LRRTM4: variants seen among roughly 807,000 people sequenced by gnomAD.
LRRTM4 encodes the protein leucine rich repeat transmembrane neuronal 4.
LRRTM4 carries 25 observed loss-of-function variants against 47.6 expected under a neutral mutation model. The ratio of observed to expected loss-of-function variants is 0.53; its 90% confidence interval spans 0.38 to 0.73. The LOEUF is 0.73. Ranked by LOEUF, LRRTM4 falls within the 30% of genes least tolerant of loss-of-function variation. LRRTM4 has a pLI of 0.00. For missense variants in LRRTM4, 638 were observed against 713.4 expected, an observed-to-expected ratio of 0.89 and a Z score of 1.20; for synonymous variants, 311 against 269.5, an observed-to-expected ratio of 1.15 and a Z score of -1.51.
intron 3 of LRRTM4, among the ~76,000 whole-genome samples, chr2:76,998,783 T>C (rs13009312): frequency 6.6e-6 from 1 of 151,562 alleles, no homozygotes; most frequent in Non-Finnish European, 1.5e-5. Flanking sequence ...TTTTTTTTTT[T>C]CCTTAACATC....
At chr2:76,968,376 A>ATATATATATG (rs1463823267) in intron 3 of LRRTM4, among the ~76,000 whole-genome samples, 1 of 138,736 alleles carries the variant, frequency 7.2e-6, no homozygotes, top group South Asian at 2.3e-4. Context: ...ATATATATAT[A>ATATATATATG]TATATATACA....
At chr2:77,355,276 A>G (rs1201532548) in intron 3 of LRRTM4, among the ~76,000 whole-genome samples, 2 of 152,188 alleles carry the variant, frequency 1.3e-5, no homozygotes, top group Non-Finnish European at 2.9e-5. Flanking sequence ...TGTGTTTTTG[A>G]AATTAAGTAC....
chr2:77,112,365 G>A (rs555002275), intron 3 of LRRTM4, among the ~76,000 whole-genome samples: 1 of 152,208 alleles, frequency 6.6e-6, no homozygotes, highest in South Asian at 2.1e-4. Flanking sequence ...GATTATAAGT[G>A]GAGTATAAGG....
intron 3 of LRRTM4, among the ~76,000 whole-genome samples, chr2:77,329,162 AG>A (rs1670882789): frequency 6.6e-6 from 1 of 152,318 alleles, no homozygotes; most frequent in African/African-American, 2.4e-5. Context: ...GTGGTGTTTC[AG>A]TTACTAGTTA....
chr2:76,852,812 A>C (rs1672036678), intron 3 of LRRTM4, among the ~76,000 whole-genome samples: 1 of 152,174 alleles, frequency 6.6e-6, no homozygotes, highest in African/African-American at 2.4e-5. Flanking sequence ...ACTTGACTTA[A>C]ATATTATTAT....
At chr2:76,809,359 G>A (rs889105227) in intron 3 of LRRTM4, among the ~76,000 whole-genome samples, 10 of 151,986 alleles carry the variant, frequency 6.6e-5, no homozygotes, top group East Asian at 1.9e-4. Flanking sequence ...ACTCCCACTC[G>A]CCCCCTCCCC....
chr2:76,904,148 G>C (rs1288096388), intron 3 of LRRTM4, among the ~76,000 whole-genome samples: 1 of 152,188 alleles, frequency 6.6e-6, no homozygotes, highest in Non-Finnish European at 1.5e-5. Flanking sequence ...TAGTATAATT[G>C]AGACTCAGAC....
At chr2:76,797,685 G>T (rs990843127) in intron 3 of LRRTM4, among the ~76,000 whole-genome samples, 1 of 151,448 alleles carries the variant, frequency 6.6e-6, no homozygotes, top group African/African-American at 2.4e-5. Context: ...TGGATAAAGA[G>T]TCAAGACCCA....
intron 3 of LRRTM4, among the ~76,000 whole-genome samples, chr2:77,114,860 G>C (rs7609361): frequency 6.6e-6 from 1 of 152,024 alleles, no homozygotes; most frequent in African/African-American, 2.4e-5. Flanking sequence ...TAAAGATCAC[G>C]AGGCAAGGCA....
chr2:77,031,166 A>C (rs185214653), intron 3 of LRRTM4, among the ~76,000 whole-genome samples: 3 of 152,312 alleles, frequency 2.0e-5, no homozygotes, highest in Non-Finnish European at 4.4e-5. Flanking sequence ...ATCTATTTCT[A>C]CATTTGCCAT....
chr2:77,159,690 G>A (rs1253755596), intron 3 of LRRTM4, among the ~76,000 whole-genome samples: 2 of 151,994 alleles, frequency 1.3e-5, no homozygotes, highest in Admixed American at 6.6e-5. Context: ...GTCTCAGGGT[G>A]GGCAGAGGGG....
At chr2:77,388,206 A>C (rs1673360197) in intron 3 of LRRTM4, among the ~76,000 whole-genome samples, 1 of 152,122 alleles carries the variant, frequency 6.6e-6, no homozygotes, top group Non-Finnish European at 1.5e-5. Flanking sequence ...ACAGTTATTT[A>C]GGTTCTACGT....
At chr2:77,329,211 C>T (rs773601380) in intron 3 of LRRTM4, among the ~76,000 whole-genome samples, 4 of 152,162 alleles carry the variant, frequency 2.6e-5, no homozygotes, top group Non-Finnish European at 4.4e-5. Context: ...CAGAATTCAG[C>T]TCAAATTACC....
intron 3 of LRRTM4, among the ~76,000 whole-genome samples, chr2:77,407,651 T>C: frequency 7.4e-6 from 1 of 135,630 alleles, no homozygotes; most frequent in African/African-American, 2.9e-5. Flanking sequence ...TAATATATAT[T>C]ATATAATTAT....
rs1359144750 is a variant in LRRTM4 at position 77,354,016 on chromosome 2, A to AT, written c.1551+164301dup. On this transcript the variant is annotated intron_variant, in intron 3 of 3. Transcript: ENST00000409884. The stretch of plus-strand genomic sequence containing the variant: ...GCAACTCAGAGGCAGTTCTGTAGTC[A>AT]TATTTATACCCACTTTTAATTACAT... Among the ~76,000 whole-genome samples the AT allele has an allele frequency of 4.6e-5, 7 of 152,290 alleles. No individual in the cohort carries two copies. In the East Asian group the frequency reaches 1.4e-3, roughly 29 times the overall value.
intron 3 of LRRTM4, among the ~76,000 whole-genome samples, chr2:77,093,281 G>T (rs973957897): frequency 3.4e-5 from 5 of 148,770 alleles, no homozygotes; most frequent in African/African-American, 1.3e-4. Context: ...AATCTTTGCT[G>T]GCAGGACTAT....
chr2:76,789,804 C>T (rs1314150378), intron 3 of LRRTM4, among the ~76,000 whole-genome samples: 1 of 152,068 alleles, frequency 6.6e-6, no homozygotes, highest in Non-Finnish European at 1.5e-5. Flanking sequence ...GGTGTCTTCC[C>T]ATTTTATTAT....
At chr2:76,937,181 G>A (rs1674983961) in intron 3 of LRRTM4, among the ~76,000 whole-genome samples, 1 of 151,934 alleles carries the variant, frequency 6.6e-6, no homozygotes, top group South Asian at 2.1e-4. Context: ...AGCATATAAT[G>A]AGAATGGTAC....
At chr2:77,436,759 G>C (rs777162316) in intron 3 of LRRTM4, among the ~76,000 whole-genome samples, 1 of 151,742 alleles carries the variant, frequency 6.6e-6, no homozygotes, top group Non-Finnish European at 1.5e-5. Flanking sequence ...GATAAGTAAT[G>C]ATCACATATT....
Sources: gnomAD v4.1 joint callset for allele counts (sites outside exome capture counted in the v4.1 genomes callset) on GRCh38, gnomAD v4.1.1 for gene constraint, MANE v1.5 for transcripts, NCBI Gene and HGNC (gene_info 2026-07-23, HGNC 2026-07-21) for gene names.